The following SUPT7L variants were observed in gnomAD, a reference collection of about 807,000 sequenced individuals.
SUPT7L encodes SPT7 like, STAGA complex subunit gamma, also known as STAGA complex 65 subunit gamma.
SUPT7L carries 15 observed loss-of-function variants against 35.7 expected under a neutral mutation model. That is an observed-to-expected ratio of 0.42 (90% CI 0.28 to 0.65). SUPT7L has a LOEUF of 0.65. Among genes scored for constraint, SUPT7L ranks in the 30% least tolerant of loss-of-function variants. The pLI is 0.23. For synonymous variants in SUPT7L, 168 were observed against 186.2 expected, an observed-to-expected ratio of 0.90 and a Z score of 0.79; for missense variants, 434 against 522.2, an observed-to-expected ratio of 0.83 and a Z score of 1.65.
chr2:27,645,052 C>T, the SUPT7L span, among the ~76,000 whole-genome samples: 1 of 152,094 alleles, frequency 6.6e-6, no homozygotes, highest in African/African-American at 2.4e-5. Flanking sequence ...CCTGCAGCCT[C>T]GAACTACTGG....
At chr2:27,647,632 G>A (rs1674301339), downstream of SUPT7L, among the ~76,000 whole-genome samples, 1 of 152,222 alleles carries the variant, frequency 6.6e-6, no homozygotes, top group Admixed American at 6.5e-5. Context: ...GACTCCTAGG[G>A]CTATTTGCCT....
intron 3 of SUPT7L, among the ~76,000 whole-genome samples, chr2:27,658,922 A>G (rs1674921333): frequency 6.6e-6 from 1 of 152,222 alleles, no homozygotes; most frequent in South Asian, 2.1e-4. Flanking sequence ...GATGCAAATT[A>G]TTTTTGTTAT....
chr2:27,642,958 T>TATATATATAC, the SUPT7L span, among the ~76,000 whole-genome samples: 1 of 122,610 alleles, frequency 8.2e-6, no homozygotes, highest in Non-Finnish European at 1.7e-5. Flanking sequence ...TATATATATA[T>TATATATATAC]ACACACACAC....
intron 3 of SUPT7L, 45 bp downstream of exon 3, chr2:27,660,939 G>A (rs1675069393): frequency 6.4e-7 from 1 of 1,571,168 alleles, no homozygotes; most frequent in Admixed American, 1.8e-5. Context: ...GGGTTGTTGG[G>A]AAGATGACTT....
Position 27,655,599 on chromosome 2 carries a change from T to C in SUPT7L, c.748A>G (p.Ser250Gly). 2 of 1,574,544 alleles carry C rather than the reference T, an allele frequency of 1.3e-6. No individual in the cohort carries two copies. The highest frequency in any genetic ancestry group is 1.2e-5 in the South Asian group (1 of 85,702). Residue 250 changes from serine (S) to glycine (G), a missense_variant, in exon 5 of 6, where the codon AGT becomes GGT. By Grantham distance (56) the Ser-to-Gly change is moderately conservative. Around this residue, in one of 3 missense-constraint regions of SUPT7L, gnomAD observed 159 missense variants for 217.1 expected, o/e 0.73. Coordinates refer to ENST00000337768, the MANE Select transcript of SUPT7L (RefSeq NM_014860.3). Reference protein sequence around the residue: ...KDYHSYMLQISKQLSEEYERI... With the variant: ...KDYHSYMLQIGKQLSEEYERI... ...TCATATTCTTCAGAGAGTTGCTTACTAATCTGTTGGCAAGCAAGAGTCAAT... is the reference window on the plus strand; with the variant it reads ...TCATATTCTTCAGAGAGTTGCTTACCAATCTGTTGGCAAGCAAGAGTCAAT...
At chr2:27,654,513 C>T (rs1460371698) in intron 5 of SUPT7L, among the ~76,000 whole-genome samples, 1 of 152,170 alleles carries the variant, frequency 6.6e-6, no homozygotes, top group Non-Finnish European at 1.5e-5. Flanking sequence ...TGTCCTGGCT[C>T]CTAAGGTAAT....
chr2:27,660,511 A>C (rs1461540705), intron 3 of SUPT7L, among the ~76,000 whole-genome samples: 1 of 152,222 alleles, frequency 6.6e-6, no homozygotes, highest in Non-Finnish European at 1.5e-5. Flanking sequence ...GGCATGAACC[A>C]CTGTGCTCAG....
intron 3 of SUPT7L, 86 bp downstream of exon 3, chr2:27,660,898 T>G: frequency 6.9e-7 from 1 of 1,454,964 alleles, no homozygotes; most frequent in Non-Finnish European, 9.2e-7. Flanking sequence ...TTTCCTCGCA[T>G]GAAAATGGAA....
rs764942442 is a variant in SUPT7L, at chr2:27,660,994, C to T, written c.409G>A (p.Asp137Asn). The change falls in exon 3 of 6, where the codon GAC becomes AAC. Residue 137 changes from aspartate (D) to asparagine (N), a missense_variant. Asp to Asn is a conservative substitution (Grantham distance 23). Around this residue, in one of 3 missense-constraint regions of SUPT7L, gnomAD observed 198 missense variants for 190.8 expected, o/e 1.04. Coordinates refer to ENST00000337768, the MANE Select transcript of SUPT7L (RefSeq NM_014860.3). ...AAAGCCTTGCCTTACCGATAAAAGT[C>T]ACTCTCTGGGTCACTGTGCCGGATC... ...FQIRHSDPESDFYRGKGEPVT... is the reference protein window; with the variant it reads ...FQIRHSDPESNFYRGKGEPVT... 6.2e-7 allele frequency: 1 copy of T among 1,612,734 alleles called. No homozygotes were observed. Among genetic ancestry groups the T allele is most frequent in the Non-Finnish European group, 8.5e-7 (1 of 1,178,954 alleles).
chr2:27,642,958 T>TATACAC, the SUPT7L span, among the ~76,000 whole-genome samples: 4,668 of 122,600 alleles, frequency 0.038, 100 homozygotes, highest in Middle Eastern at 0.088. Context: ...TATATATATA[T>TATACAC]ACACACACAC....
Position 27,653,173 on chromosome 2 carries a change from T to A in SUPT7L, c.*312A>T, listed in dbSNP as rs1162830763. The A allele has an allele frequency of 2.8e-6, 1 of 355,314 alleles. No individual in the cohort carries two copies. Among genetic ancestry groups the A allele is most frequent in the Non-Finnish European group, 5.3e-6 (1 of 189,866 alleles). 22.0% of individuals were successfully genotyped at this position (355,314 alleles called of 1,614,324 possible). ...GTCAAAGTATGATTCTTCTCAGTTG[T>A]ACAAGATAAATGGCTGTATAACATG... On this transcript the variant is annotated 3_prime_UTR_variant, in exon 6 of 6. Transcript: ENST00000337768.
At chr2:27,661,986 G>T in intron 2 of SUPT7L, 193 bp downstream of exon 2, 1 of 708,640 alleles carries the variant, frequency 1.4e-6, no homozygotes, top group Non-Finnish European at 2.3e-6. Context: ...CATATAGAAC[G>T]TGAGAGATTT....
At chr2:27,648,729 G>A (rs201321744), downstream of SUPT7L, among the ~76,000 whole-genome samples, 31 of 152,194 alleles carry the variant, frequency 2.0e-4, no homozygotes, top group East Asian at 5.4e-3. Flanking sequence ...GCTGCCTCCC[G>A]GGTTCAAGTG....
chr2:27,648,857 G>A (rs942542605), downstream of SUPT7L, among the ~76,000 whole-genome samples: 2 of 151,676 alleles, frequency 1.3e-5, no homozygotes, highest in Non-Finnish European at 2.9e-5. Flanking sequence ...GGCTGGTCTC[G>A]AACTCCTGGC....
At chr2:27,659,756 TGGG>T (rs1674963645) in intron 3 of SUPT7L, among the ~76,000 whole-genome samples, 3 of 152,072 alleles carry the variant, frequency 2.0e-5, no homozygotes, top group Non-Finnish European at 4.4e-5. Context: ...TACTTTAAAA[TGGG>T]GGAAAAAATG....
chr2:27,650,121 A>T (rs1377307999), downstream of SUPT7L: 1 of 1,588,208 alleles, frequency 6.3e-7, no homozygotes, highest in African/African-American at 1.3e-5. Flanking sequence ...GCAGTTACAG[A>T]GGAAAGCCAT....
In SUPT7L at chr2:27,653,665, A is replaced by G; in HGVS notation, c.1065T>C (p.Ser355=). 1.2e-6 allele frequency: 2 copies of G among 1,614,214 alleles called. No homozygotes were observed. The highest frequency in any genetic ancestry group is 1.7e-6 in the Non-Finnish European group (2 of 1,180,048). Residue 355 remains serine, a synonymous_variant, in exon 6 of 6, where the codon TCT becomes TCC. Transcript: ENST00000337768. ...EPQESEEGNV[S]GHGVLGSDVF... is the part of the protein sequence containing the mutation. ...CATCACTGCCCAGCACACCATGCCC[A>G]GAGACATTGCCTTCTTCACTTTCTT...
At chr2:27,655,690 G>C (rs778506327) in intron 4 of SUPT7L, 88 bp from the exon 5 acceptor site, 1 of 1,133,178 alleles carries the variant, frequency 8.8e-7, no homozygotes, top group Non-Finnish European at 1.3e-6. Context: ...AAAGCCAACA[G>C]AACATGAATA....
chr2:27,651,074 C>T lies in SUPT7L; in HGVS notation c.*2411G>A, dbSNP rs750602272. The T allele has an allele frequency of 2.6e-5, 4 of 152,316 alleles. No homozygotes were observed. The highest frequency in any genetic ancestry group is 9.6e-5 in the African/African-American group (4 of 41,454). The allele number at this position is 152,316 out of a possible 1,614,324, so 9.4% of individuals were successfully genotyped here. ...AATGCAAAGTCTCCTTGGTGATTTT[C>T]GCAAAGTCCGTGGATTTGGGTCAGA... On this transcript the variant is annotated 3_prime_UTR_variant, in exon 6 of 6. Coordinates refer to ENST00000337768, the MANE Select transcript of SUPT7L (RefSeq NM_014860.3).
Sources: allele counts gnomAD v4.1 joint callset (sites outside exome capture counted in the v4.1 genomes callset), GRCh38; gene constraint gnomAD v4.1.1; regional missense constraint gnomAD v4.1.1; transcripts MANE v1.5; gene names NCBI Gene and HGNC (gene_info 2026-07-23, HGNC 2026-07-21).